FTCDNL1: variants seen among roughly 807,000 people sequenced by gnomAD.
FTCDNL1 encodes the protein formiminotransferase N-terminal subdomain-containing protein.
In FTCDNL1, 11 loss-of-function variants were observed where a neutral mutation model predicts 5.9. The observed-to-expected ratio is 1.87, with a 90% CI of 1.18 to 3.10. FTCDNL1 has a LOEUF of 3.10. Among genes scored for constraint, FTCDNL1 ranks in the 30% most tolerant of loss-of-function variants. The pLI is 0.00. For synonymous variants in FTCDNL1, 58 were observed against 24.8 expected (o/e 2.34, Z -3.99); for missense variants, 115 against 65.5 (o/e 1.76, Z -2.61).
the FTCDNL1 span, among the ~76,000 whole-genome samples, chr2:199,672,165 C>T: frequency 1.3e-5 from 2 of 152,182 alleles, no homozygotes; most frequent in Non-Finnish European, 2.9e-5. Flanking sequence ...GGTACCCTTG[C>T]TCCTTCTCTA....
At chr2:199,845,333 G>C (rs2076702886) in intron 3 of FTCDNL1, among the ~76,000 whole-genome samples, 1 of 152,098 alleles carries the variant, frequency 6.6e-6, no homozygotes, top group Non-Finnish European at 1.5e-5. Flanking sequence ...TTGGGAGGCT[G>C]AGGCAGGCAA....
At position 199,836,949 on chromosome 2, in the gene FTCDNL1, G is replaced by A. The variant is rs563460421; in HGVS notation, c.211+9126C>T. Among the ~76,000 whole-genome samples, 18 of 152,312 alleles carry A rather than the reference G, an allele frequency of 1.2e-4. 1 individual carries two copies. The South Asian group carries it at 2.9e-3, about 25-fold the overall frequency. On this transcript the variant is annotated intron_variant, in intron 3 of 4. Coordinates refer to ENST00000420128, the MANE Select transcript of FTCDNL1 (RefSeq NM_001363886.2). ...CACAGGCCAAGTGTTGCCCGATGGG[G>A]TTAACTTGCTTGCTCACTCACACTG...
In FTCDNL1 at chr2:199,811,719, A is replaced by T. The variant is rs559380217; in HGVS notation, c.*986T>A. ...CTTTTCCTGAATCCCTCACCCAGCA[A>T]ATTCCAAGACATCCTCTTCCATTGC... On this transcript the variant is annotated 3_prime_UTR_variant, in exon 5 of 5. Coordinates refer to ENST00000420128, the MANE Select transcript of FTCDNL1 (RefSeq NM_001363886.2). Among the ~76,000 whole-genome samples, 9 of 152,328 alleles carry T rather than the reference A, an allele frequency of 5.9e-5. No individual in the cohort carries two copies. The South Asian group carries it at 1.7e-3, about 28-fold the overall frequency.
the FTCDNL1 span, among the ~76,000 whole-genome samples, chr2:199,685,202 G>T: frequency 6.6e-6 from 1 of 152,102 alleles, no homozygotes; most frequent in Non-Finnish European, 1.5e-5. Context: ...AATCTGCAAT[G>T]GAACCTCTGA....
In FTCDNL1 at chr2:199,834,368, C is replaced by G. The variant is rs75070444; in HGVS notation, c.211+11707G>C. Among the ~76,000 whole-genome samples, 1,813 of 152,234 alleles carry G rather than the reference C, an allele frequency of 0.012. 86 individuals are homozygous for G. The East Asian group carries it at 0.17, about 14-fold the overall frequency. Reference sequence around the variant, plus strand: ...GACTGTGGTACTTTGTTACTACAGCCCTAGTAAACTAAAACACCAGCCTCG... The same window carrying G: ...GACTGTGGTACTTTGTTACTACAGCGCTAGTAAACTAAAACACCAGCCTCG... On this transcript the variant is annotated intron_variant, in intron 3 of 4. Coordinates refer to ENST00000420128, the MANE Select transcript of FTCDNL1 (RefSeq NM_001363886.2).
At chr2:199,845,712 G>T (rs2076714482) in intron 3 of FTCDNL1, among the ~76,000 whole-genome samples, 1 of 151,994 alleles carries the variant, frequency 6.6e-6, no homozygotes. Context: ...GCACTGCTTA[G>T]CATGTTTCAT....
At chr2:199,690,355 T>C in the FTCDNL1 span, among the ~76,000 whole-genome samples, 14 of 152,216 alleles carry the variant, frequency 9.2e-5, no homozygotes, top group Admixed American at 9.2e-4. Context: ...ACATGACACC[T>C]GAGAGTAGAG....
intron 3 of FTCDNL1, among the ~76,000 whole-genome samples, chr2:199,802,175 G>A (rs1415097652): frequency 2.7e-5 from 4 of 150,556 alleles, no homozygotes; most frequent in African/African-American, 4.8e-5. Context: ...TACATTTTTC[G>A]AAATCATACA....
At chr2:199,803,068 C>G (rs927364867) in intron 3 of FTCDNL1, among the ~76,000 whole-genome samples, 7 of 151,470 alleles carry the variant, frequency 4.6e-5, no homozygotes, top group Non-Finnish European at 8.8e-5. Flanking sequence ...GTGGTGTGCA[C>G]CTGTAACCCC....
the FTCDNL1 span, among the ~76,000 whole-genome samples, chr2:199,720,426 C>G: frequency 6.6e-6 from 1 of 152,204 alleles, no homozygotes; most frequent in Non-Finnish European, 1.5e-5. Context: ...CAAATTACCA[C>G]AAAGTAGGCA....
Position 199,810,612 on chromosome 2 carries a change from G to A in FTCDNL1, c.*2093C>T, listed in dbSNP as rs1411256632. On this transcript the variant is annotated 3_prime_UTR_variant, in exon 5 of 5. Coordinates refer to ENST00000420128, the MANE Select transcript of FTCDNL1 (RefSeq NM_001363886.2). ...CGCCTTTCCCTGTCTCAGGGATGGT[G>A]CGGCTCACATTACATAAATAGCGTG... Among the ~76,000 whole-genome samples the A allele has an allele frequency of 6.6e-6, 1 of 152,206 alleles. No individual in the cohort carries two copies. The highest frequency in any genetic ancestry group is 2.4e-5 in the African/African-American group (1 of 41,454).
intron 3 of FTCDNL1, among the ~76,000 whole-genome samples, chr2:199,768,276 C>A (rs372391039): frequency 2.7e-5 from 4 of 150,570 alleles, no homozygotes; most frequent in South Asian, 4.3e-4. Flanking sequence ...CCAAAAAATT[C>A]TTAATATGAG....
At chr2:199,791,058 A>G (rs1699900828) in intron 3 of FTCDNL1, among the ~76,000 whole-genome samples, 1 of 152,178 alleles carries the variant, frequency 6.6e-6, no homozygotes, top group South Asian at 2.1e-4. Flanking sequence ...TGATTAAATT[A>G]TGACCCATTT....
Position 199,846,107 on chromosome 2 carries a change from A to G in FTCDNL1, c.179T>C (p.Val60Ala), listed in dbSNP as rs2076725708. Reference sequence around the variant, plus strand: ...ATCAACAGAAGTTGCTATTGTAATGACTGATCTCTTGTAGTCTTGATCGGA... The same window carrying G: ...ATCAACAGAAGTTGCTATTGTAATGGCTGATCTCTTGTAGTCTTGATCGGA... ...IFSDQDYKRS[V>A]ITIATSVDKL... is the part of the protein sequence containing the mutation. Residue 60 changes from valine (V) to alanine (A), a missense_variant, in exon 3 of 5, where the codon GTC (valine) becomes GCC (alanine). By Grantham distance (64) the Val-to-Ala change is moderately conservative. Coordinates refer to ENST00000420128, the MANE Select transcript of FTCDNL1 (RefSeq NM_001363886.2). 1.4e-6 allele frequency: 1 copy of G among 699,818 alleles called. No homozygotes were observed. Among genetic ancestry groups the G allele is most frequent in the East Asian group, 2.7e-5 (1 of 37,174 alleles). The allele number at this position is 699,818 out of a possible 1,614,324, so 43.4% of individuals were successfully genotyped here. A position where few individuals can be genotyped will look rare whatever the true frequency, so the allele number is the denominator to read the frequency against.
Position 199,812,299 on chromosome 2 carries a change from T to C in FTCDNL1, c.*406A>G, listed in dbSNP as rs1701081107. ...AAAAAGAAGAGAAAATTTCTCTTTC[T>C]GCCCAAATTCACGCTTTTCCAATTT... On this transcript the variant is annotated 3_prime_UTR_variant, in exon 5 of 5. Coordinates refer to ENST00000420128, the MANE Select transcript of FTCDNL1 (RefSeq NM_001363886.2). 6.6e-6 allele frequency among the ~76,000 whole-genome samples: 1 copy of C among 152,214 alleles called. No homozygotes were observed. The highest frequency in any genetic ancestry group is 1.5e-5 in the Non-Finnish European group (1 of 68,036).
chr2:199,772,120 A>G (rs1698842964), intron 3 of FTCDNL1, among the ~76,000 whole-genome samples: 1 of 152,194 alleles, frequency 6.6e-6, no homozygotes, highest in Non-Finnish European at 1.5e-5. Flanking sequence ...TCTGATAACC[A>G]AGGTGTCTTC....
chr2:199,733,723 G>A, the FTCDNL1 span, among the ~76,000 whole-genome samples: 7 of 152,234 alleles, frequency 4.6e-5, no homozygotes, highest in African/African-American at 9.6e-5. Flanking sequence ...AATGTGGTCC[G>A]CAGATCTGTG....
At chr2:199,764,638 G>A (rs974542155) in intron 3 of FTCDNL1, among the ~76,000 whole-genome samples, 1 of 152,172 alleles carries the variant, frequency 6.6e-6, no homozygotes, top group Non-Finnish European at 1.5e-5. Context: ...TCTGTGAAAT[G>A]CCTGGAGAGG....
chr2:199,825,336 G>A (rs369259611), intron 3 of FTCDNL1, among the ~76,000 whole-genome samples: 6 of 152,158 alleles, frequency 3.9e-5, no homozygotes, highest in African/African-American at 1.4e-4. Context: ...GTCACAATGA[G>A]CAAGGTAAGC....
Sources: gnomAD v4.1 joint callset for allele counts (sites outside exome capture counted in the v4.1 genomes callset) on GRCh38, gnomAD v4.1.1 for gene constraint, MANE v1.5 for transcripts, NCBI Gene and HGNC (gene_info 2026-07-23, HGNC 2026-07-21) for gene names.